The following PCDH15 variants were observed in gnomAD, a reference collection of about 807,000 sequenced individuals.
PCDH15 encodes protocadherin related 15, also known as protocadherin-15.
PCDH15 carries 129 observed loss-of-function variants against 178.5 expected under a neutral mutation model. The ratio of observed to expected loss-of-function variants is 0.72; its 90% confidence interval spans 0.63 to 0.84. The LOEUF (loss-of-function observed/expected upper bound fraction) is 0.84. Ranked by LOEUF, PCDH15 falls within the 40% of genes least tolerant of loss-of-function variation. The pLI, the probability that PCDH15 is intolerant of heterozygous loss-of-function variation, is 0.00. For synonymous variants in PCDH15, 800 were observed against 732.0 expected (o/e 1.09, Z -1.50); for missense variants, 2,230 against 2,099.9 (o/e 1.06, Z -1.21).
intron 3 of PCDH15, among the ~76,000 whole-genome samples, chr10:54,393,065 T>A (rs2135352400): frequency 6.6e-6 from 1 of 152,274 alleles, no homozygotes; most frequent in Admixed American, 6.5e-5. Flanking sequence ...TTGGCTAATT[T>A]CCATCTGAAT....
At chr10:54,723,737 C>T (rs1385297565) in intron 1 of PCDH15, among the ~76,000 whole-genome samples, 3 of 151,300 alleles carry the variant, frequency 2.0e-5, no homozygotes, top group Non-Finnish European at 3.0e-5. Context: ...GGCAAAAACA[C>T]GGACATTTCT....
At chr10:54,098,555 A>G (rs1013765168) in intron 15 of PCDH15, among the ~76,000 whole-genome samples, 1 of 152,166 alleles carries the variant, frequency 6.6e-6, no homozygotes. Context: ...TACTAACTGT[A>G]ACATTACCCT....
chr10:54,389,484 C>A (rs555561691), intron 3 of PCDH15, among the ~76,000 whole-genome samples: 1 of 152,302 alleles, frequency 6.6e-6, no homozygotes, highest in Non-Finnish European at 1.5e-5. Context: ...GTGTGTCTCA[C>A]TTTATGAAAG....
chr10:54,119,857 T>C (rs1218397176), intron 15 of PCDH15, among the ~76,000 whole-genome samples: 1 of 152,048 alleles, frequency 6.6e-6, no homozygotes, highest in Non-Finnish European at 1.5e-5. Flanking sequence ...TGTGCCATGG[T>C]GGTTTGCTGC....
At chr10:54,726,449 TG>T (rs1942542765) in intron 1 of PCDH15, among the ~76,000 whole-genome samples, 1 of 151,124 alleles carries the variant, frequency 6.6e-6, no homozygotes, top group Non-Finnish European at 1.5e-5. Context: ...TGTGTGTGTG[TG>T]TGTGTGTGTG....
intron 1 of PCDH15, among the ~76,000 whole-genome samples, chr10:54,755,719 A>G (rs1946989267): frequency 6.6e-6 from 1 of 152,138 alleles, no homozygotes; most frequent in Admixed American, 6.6e-5. Flanking sequence ...TTTCATTTTA[A>G]ATCAGTTAAA....
At chr10:54,806,248 G>A (rs1952776011), upstream of PCDH15, among the ~76,000 whole-genome samples, 1 of 152,094 alleles carries the variant, frequency 6.6e-6, no homozygotes, top group Non-Finnish European at 1.5e-5. Context: ...GTTTTTATAT[G>A]CTGGATGTAT....
In PCDH15 at chr10:54,017,182, C is replaced by A. The variant is rs1234064721; in HGVS notation, c.2751+3010G>T. On this transcript the variant is annotated intron_variant, in intron 20 of 37. Transcript: ENST00000644397. Reference sequence around the variant, plus strand: ...GGGGTTACAGTTGTGTGCCACCATGCCCAGCTAATTTTTTGTATTTTTAAT... The same window carrying A: ...GGGGTTACAGTTGTGTGCCACCATGACCAGCTAATTTTTTGTATTTTTAAT... Among the ~76,000 whole-genome samples, 3 of 152,124 alleles carry A rather than the reference C, an allele frequency of 2.0e-5. No homozygotes were observed. The East Asian group carries it at 5.8e-4, about 30-fold the overall frequency.
chr10:54,137,546 A>G (rs2043007420), intron 14 of PCDH15, among the ~76,000 whole-genome samples: 1 of 152,112 alleles, frequency 6.6e-6, no homozygotes, highest in Admixed American at 6.6e-5. Flanking sequence ...GGCCTCCCAA[A>G]AAAGGTATCA....
intron 1 of PCDH15, among the ~76,000 whole-genome samples, chr10:55,253,872 T>C (rs762961721): frequency 3.9e-5 from 6 of 152,192 alleles, no homozygotes; most frequent in East Asian, 1.9e-4. Context: ...CACTGCAAAG[T>C]AGTCAACCGT....
intron 10 of PCDH15, among the ~76,000 whole-genome samples, chr10:54,197,987 T>G (rs906632947): frequency 2.6e-5 from 4 of 152,218 alleles, no homozygotes; most frequent in Non-Finnish European, 5.9e-5. Context: ...TTACATAGTT[T>G]ACCTTATGCA....
chr10:54,294,909 G>A (rs1189956607), intron 8 of PCDH15, among the ~76,000 whole-genome samples: 1 of 152,168 alleles, frequency 6.6e-6, no homozygotes, highest in Non-Finnish European at 1.5e-5. Flanking sequence ...TCTGAGACAT[G>A]CTTCAAGTAA....
chr10:53,822,316 C>A, intron 32 of PCDH15: 4 of 1,606,902 alleles, frequency 2.5e-6, no homozygotes, highest in African/African-American at 2.7e-5. Flanking sequence ...GTTGGGGGAC[C>A]AGACGTTGAA....
chr10:55,195,547 T>A (rs1840069399), intron 1 of PCDH15, among the ~76,000 whole-genome samples: 1 of 147,416 alleles, frequency 6.8e-6, no homozygotes, highest in Non-Finnish European at 1.5e-5. Flanking sequence ...TCCCAGCTAC[T>A]CCGGAGGCTG....
chr10:54,859,531 C>T (rs543784552), intron 3 of PCDH15, among the ~76,000 whole-genome samples: 2 of 152,080 alleles, frequency 1.3e-5, no homozygotes, highest in South Asian at 4.1e-4. Context: ...AATTGCCTAA[C>T]TCCAGAGTAC....
chr10:55,237,232 A>G (rs1841406885), intron 1 of PCDH15, among the ~76,000 whole-genome samples: 1 of 152,056 alleles, frequency 6.6e-6, no homozygotes, highest in African/African-American at 2.4e-5. Flanking sequence ...AGAGCTTTTT[A>G]TATATTTGGT....
At chr10:54,828,824 G>T (rs886106819) in intron 3 of PCDH15, among the ~76,000 whole-genome samples, 10 of 152,028 alleles carry the variant, frequency 6.6e-5, no homozygotes, top group African/African-American at 2.4e-4. Flanking sequence ...AAATAAAGCA[G>T]GGTAAAGAAA....
chr10:54,655,548 T>C (rs2094387856), intron 2 of PCDH15: 1 of 151,858 alleles, frequency 6.6e-6, no homozygotes, highest in Non-Finnish European at 1.5e-5. Context: ...TCTCTCTCTT[T>C]TAGTTCTGTT....
At chr10:54,207,707 G>T (rs2050969116) in intron 10 of PCDH15, among the ~76,000 whole-genome samples, 1 of 151,958 alleles carries the variant, frequency 6.6e-6, no homozygotes, top group African/African-American at 2.4e-5. Context: ...ACTCTTAGCT[G>T]CCTTCTCTGG....
Sources: allele counts gnomAD v4.1 joint callset (sites outside exome capture counted in the v4.1 genomes callset), GRCh38; gene constraint gnomAD v4.1.1; transcripts MANE v1.5; gene names NCBI Gene and HGNC (gene_info 2026-07-23, HGNC 2026-07-21).